Variants in CHSY3 observed in about 807,000 individuals in gnomAD.
The protein encoded by CHSY3 is chondroitin sulfate synthase 3.
A neutral mutation model predicts 67.2 loss-of-function variants in CHSY3; 35 were observed. The observed-to-expected ratio is 0.52, with a 90% CI of 0.40 to 0.69. The LOEUF is 0.69. CHSY3 is among the 30% of genes least tolerant of loss of function. CHSY3 has a pLI of 0.00. For missense variants in CHSY3, 1,069 were observed against 1,138.5 expected (o/e 0.94, Z 0.88); for synonymous variants, 474 against 434.7 (o/e 1.09, Z -1.12).
rs181821745 is a variant in CHSY3 at position 130,094,662 on chromosome 5, T to G, written c.1087-89567T>G. ...TCCATAAAACTGTACAACAAAAAAG[T>G]GAATGTTTTTCTTCAATTTAAAAAG... On this transcript the variant is annotated intron_variant, in intron 2 of 2. Transcript: ENST00000305031. Among the ~76,000 whole-genome samples the G allele has an allele frequency of 2.0e-3, 310 of 152,094 alleles. 2 individuals are homozygous for G. Among genetic ancestry groups the G allele is most frequent in the Non-Finnish European group, 3.8e-3 (260 of 68,012 alleles).
chr5:130,058,283 G>A (rs1434466417), intron 2 of CHSY3, among the ~76,000 whole-genome samples: 3 of 152,092 alleles, frequency 2.0e-5, no homozygotes, highest in African/African-American at 7.2e-5. Context: ...ATGGGTAGGT[G>A]AAAAATGGAC....
intron 2 of CHSY3, among the ~76,000 whole-genome samples, chr5:130,076,748 A>G (rs1011094297): frequency 2.0e-5 from 3 of 152,040 alleles, no homozygotes; most frequent in African/African-American, 4.8e-5. Context: ...AACTTTTGGG[A>G]GTAAGGGGTA....
intron 2 of CHSY3, among the ~76,000 whole-genome samples, chr5:130,092,771 C>A (rs1441460782): frequency 6.6e-6 from 1 of 152,138 alleles, no homozygotes; most frequent in Non-Finnish European, 1.5e-5. Context: ...GGAGATCAGT[C>A]TCATATCCAT....
intron 2 of CHSY3, among the ~76,000 whole-genome samples, chr5:129,964,660 C>T (rs921822485): frequency 6.6e-6 from 1 of 151,740 alleles, no homozygotes; most frequent in African/African-American, 2.4e-5. Context: ...GCAATTTTCC[C>T]CCTGTGTATA....
At chr5:130,010,828 T>C (rs1026766744) in intron 2 of CHSY3, among the ~76,000 whole-genome samples, 8 of 151,670 alleles carry the variant, frequency 5.3e-5, no homozygotes, top group African/African-American at 1.9e-4. Context: ...CACAAAAAAA[T>C]AGAGAGTATT....
Position 129,904,507 on chromosome 5 carries a change from C to CGCTGCTCCTCCTCCTCCTCCT in CHSY3, c.-320_-300dup. 4.0e-6 allele frequency: 1 copy of CGCTGCTCCTCCTCCTCCTCCT among 252,910 alleles called. No individual in the cohort carries two copies. The highest frequency in any genetic ancestry group is 7.4e-6 in the Non-Finnish European group (1 of 135,624). The allele number at this position is 252,910 out of a possible 1,614,324, so 15.7% of individuals were successfully genotyped here. On this transcript the variant is annotated 5_prime_UTR_variant, in exon 1 of 3. Coordinates refer to ENST00000305031, the MANE Select transcript of CHSY3 (RefSeq NM_175856.5). The stretch of plus-strand genomic sequence containing the variant: ...CTAGGAGCGGACGCGTTGCCGCCGC[C>CGCTGCTCCTCCTCCTCCTCCT]GCTGCTCCTCCTCCTCCTCCTGCAG...
intron 2 of CHSY3, among the ~76,000 whole-genome samples, chr5:130,112,712 A>T (rs1377951684): frequency 6.6e-6 from 1 of 152,094 alleles, no homozygotes; most frequent in African/African-American, 2.4e-5. Flanking sequence ...TAAGTTGATG[A>T]ATCTGTGTGT....
chr5:130,077,304 T>G (rs2149684811), intron 2 of CHSY3, among the ~76,000 whole-genome samples: 1 of 152,168 alleles, frequency 6.6e-6, no homozygotes, highest in East Asian at 1.9e-4. Flanking sequence ...TTTAACCATG[T>G]TTACGGTAGT....
chr5:129,931,743 A>C (rs1167248800), intron 2 of CHSY3, among the ~76,000 whole-genome samples: 1 of 152,084 alleles, frequency 6.6e-6, no homozygotes, highest in Non-Finnish European at 1.5e-5. Flanking sequence ...GACACTTTTT[A>C]AGTATCTAAT....
intron 2 of CHSY3, among the ~76,000 whole-genome samples, chr5:130,098,941 A>G (rs1767139346): frequency 6.6e-6 from 1 of 152,190 alleles, no homozygotes; most frequent in African/African-American, 2.4e-5. Flanking sequence ...TCCCTAAAAA[A>G]TGCCTTTACA....
At chr5:129,962,458 T>C (rs376410241) in intron 2 of CHSY3, among the ~76,000 whole-genome samples, 9 of 152,180 alleles carry the variant, frequency 5.9e-5, no homozygotes, top group African/African-American at 2.2e-4. Context: ...AACTTCCTAA[T>C]GCATCAAGAT....
chr5:130,012,828 A>G (rs1580647929), intron 2 of CHSY3, among the ~76,000 whole-genome samples: 1 of 152,020 alleles, frequency 6.6e-6, no homozygotes, highest in South Asian at 2.1e-4. Context: ...CACGTTTCAA[A>G]ACACCCAAGT....
intron 2 of CHSY3, among the ~76,000 whole-genome samples, chr5:129,996,718 G>A (rs1763550660): frequency 6.6e-6 from 1 of 151,926 alleles, no homozygotes; most frequent in Non-Finnish European, 1.5e-5. Flanking sequence ...CAAACATGTA[G>A]CAATTCTGAG....
intron 2 of CHSY3, among the ~76,000 whole-genome samples, chr5:129,982,242 A>G (rs891556833): frequency 9.2e-5 from 14 of 152,002 alleles, no homozygotes; most frequent in Non-Finnish European, 2.1e-4. Context: ...TTGTCCTCAC[A>G]TCTTTCTATA....
In CHSY3 at chr5:130,184,839, T is replaced by G. The variant is rs1268979632; in HGVS notation, c.1697T>G (p.Leu566Trp). 6.2e-7 allele frequency: 1 copy of G among 1,610,352 alleles called. No homozygotes were observed. Among genetic ancestry groups the G allele is most frequent in the African/African-American group, 1.3e-5 (1 of 74,860 alleles). The change falls in exon 3 of 3, where the codon TTG (leucine) becomes TGG (tryptophan). Residue 566 changes from leucine to tryptophan, a missense_variant. By Grantham distance (61) the Leu-to-Trp change is moderately conservative. Around this residue, in one of 5 missense-constraint regions of CHSY3, gnomAD observed 401 missense variants for 395.2 expected, o/e 1.01. Transcript: ENST00000305031. ...AGACGTCATGCCTATCTTCAGCAGTTGTTCAGCAAGCCTTTCTTCAGAGAG... is the reference window on the plus strand; with the variant it reads ...AGACGTCATGCCTATCTTCAGCAGTGGTTCAGCAAGCCTTTCTTCAGAGAG... Reference protein sequence around the residue: ...PVRRHAYLQQLFSKPFFRETE... With the variant: ...PVRRHAYLQQWFSKPFFRETE...
intron 2 of CHSY3, among the ~76,000 whole-genome samples, chr5:129,949,535 A>G (rs549229284): frequency 1.3e-5 from 2 of 152,294 alleles, no homozygotes; most frequent in South Asian, 2.1e-4. Flanking sequence ...CAAACATTTA[A>G]TGGAGAGCTA....
intron 2 of CHSY3, among the ~76,000 whole-genome samples, chr5:129,909,401 C>T (rs1369683606): frequency 6.6e-6 from 1 of 151,994 alleles, no homozygotes; most frequent in Non-Finnish European, 1.5e-5. Flanking sequence ...TGTGAAGTCA[C>T]CAAACACACA....
intron 2 of CHSY3, among the ~76,000 whole-genome samples, chr5:130,013,374 A>C (rs913020841): frequency 1.3e-5 from 2 of 152,056 alleles, no homozygotes; most frequent in Non-Finnish European, 2.9e-5. Flanking sequence ...GGGGGCTCCA[A>C]CCCCACATTT....
intron 2 of CHSY3, among the ~76,000 whole-genome samples, chr5:130,142,174 T>A (rs1561556318): frequency 6.6e-6 from 1 of 152,168 alleles, no homozygotes; most frequent in Non-Finnish European, 1.5e-5. Context: ...ACAATTGTAT[T>A]TAAAATTGGC....
Sources: allele counts gnomAD v4.1 joint callset (sites outside exome capture counted in the v4.1 genomes callset), GRCh38; gene constraint gnomAD v4.1.1; regional missense constraint gnomAD v4.1.1; transcripts MANE v1.5; gene names NCBI Gene and HGNC (gene_info 2026-07-23, HGNC 2026-07-21).